UTP20: variants seen among roughly 807,000 people sequenced by gnomAD.
The protein encoded by UTP20 is UTP20 small subunit processome component, also known as small subunit processome component 20 homolog.
In UTP20, 164 loss-of-function variants were observed where a neutral mutation model predicts 329.5. That is an observed-to-expected ratio of 0.50 (90% CI 0.44 to 0.57). The LOEUF (loss-of-function observed/expected upper bound fraction) is 0.57, where lower values mean the gene tolerates loss of function less well. Ranked by LOEUF, UTP20 falls within the 20% of genes least tolerant of loss-of-function variation. UTP20 has a pLI of 0.00. For synonymous variants in UTP20, 1,151 were observed against 1,159.3 expected (o/e 0.99, Z 0.14); for missense variants, 3,055 against 3,284.2 (o/e 0.93, Z 1.71).
chr12:101,354,261 C>CA (rs71091489), intron 40 of UTP20, among the ~76,000 whole-genome samples: 1,332 of 79,512 alleles, frequency 0.017, 16 homozygotes, highest in Middle Eastern at 0.048. Flanking sequence ...GACTCTGTCT[C>CA]AAAAAAAAAA....
intron 36 of UTP20, among the ~76,000 whole-genome samples, chr12:101,345,006 C>T (rs577854976): frequency 1.6e-5 from 2 of 123,018 alleles, no homozygotes; most frequent in East Asian, 2.6e-4. Flanking sequence ...ACTACAGTGG[C>T]GTGATCTTGG....
At position 101,366,640 on chromosome 12, in the gene UTP20, C is replaced by A; in HGVS notation, c.6208C>A (p.Gln2070Lys). ...LLPPTPVRGG[Q>K]KAVVSRKTNM... ...TCCCCCAACTCCAGTTCGAGGTGGA[C>A]AGAAAGCTGTTGTGAGCAGGAAAAC... is the stretch of plus-strand genomic sequence containing the variant. Residue 2070 changes from glutamine (Q) to lysine (K), a missense_variant, in exon 47 of 62, where the codon CAG becomes AAG. Around this residue, in one of 3 missense-constraint regions of UTP20, gnomAD observed 2,445 missense variants for 2,575.5 expected, o/e 0.95. Transcript: ENST00000261637. 6.2e-7 allele frequency: 1 copy of A among 1,614,148 alleles called. No individual in the cohort carries two copies. Among genetic ancestry groups the A allele is most frequent in the Non-Finnish European group, 8.5e-7 (1 of 1,180,008 alleles).
rs1424941022 is a variant in UTP20 at position 101,373,482 on chromosome 12, C to A, written c.6948+12C>A. The A allele has an allele frequency of 1.9e-6, 3 of 1,613,996 alleles. No homozygotes were observed. The Admixed American group carries it at 5.0e-5, about 27-fold the overall frequency. The stretch of plus-strand genomic sequence containing the variant: ...ACACGTTCCCTCAGGTACTGTGACC[C>A]CAGAGATAAGCCCCGTGACTCCTGG... On this transcript the variant is annotated intron_variant, in intron 53 of 61. Transcript: ENST00000261637.
In UTP20 at chr12:101,285,869, A is replaced by G; in HGVS notation, c.314A>G (p.Gln105Arg). ...CAAGTTAAGAACAGTTTTGCCTATCAACCCCTTTTGGAGTAAGTAGCATCT... is the reference window on the plus strand; with the variant it reads ...CAAGTTAAGAACAGTTTTGCCTATCGACCCCTTTTGGAGTAAGTAGCATCT... Reference protein sequence around the residue: ...HLQVKNSFAYQPLLDLVVQLA... With the variant: ...HLQVKNSFAYRPLLDLVVQLA... Residue 105 changes from glutamine (Q) to arginine (R), a missense_variant, in exon 4 of 62, where the codon CAA becomes CGA. Gln to Arg is a conservative substitution (Grantham distance 43). Transcript: ENST00000261637. 1.2e-6 allele frequency: 2 copies of G among 1,613,730 alleles called. No homozygotes were observed. Among genetic ancestry groups the G allele is most frequent in the South Asian group, 2.2e-5 (2 of 91,036 alleles).
chr12:101,365,661 T>G, intron 46 of UTP20, 36 bp downstream of exon 46: 1 of 1,504,876 alleles, frequency 6.6e-7, no homozygotes, highest in Non-Finnish European at 8.9e-7. Flanking sequence ...CATTTAGGTC[T>G]CTGCGTCTGA....
chr12:101,365,065 T>C (rs1182204845), intron 45 of UTP20, among the ~76,000 whole-genome samples: 1 of 144,672 alleles, frequency 6.9e-6, no homozygotes, highest in African/African-American at 2.6e-5. Flanking sequence ...TGAATACATT[T>C]TGTTGATTGT....
intron 29 of UTP20, among the ~76,000 whole-genome samples, chr12:101,336,246 A>G (rs182725190): frequency 1.6e-3 from 247 of 152,354 alleles, no homozygotes; most frequent in African/African-American, 5.8e-3. Context: ...GTGTGGAAGA[A>G]CGAATGAATA....
intron 61 of UTP20, 106 bp from the exon 62 acceptor site, chr12:101,385,862 A>C (rs1258538519): frequency 6.9e-7 from 1 of 1,454,746 alleles, no homozygotes; most frequent in East Asian, 2.5e-5. Flanking sequence ...GGGACTTCAG[A>C]TTTTCTTTAA....
chr12:101,356,115 C>A (rs950736114), intron 41 of UTP20, among the ~76,000 whole-genome samples: 3 of 152,086 alleles, frequency 2.0e-5, no homozygotes, highest in Non-Finnish European at 4.4e-5. Context: ...ATAGAAAGAG[C>A]TGTTTTTCTT....
rs752569880 is a variant in UTP20, at chr12:101,317,651, G to C, written c.2726G>C (p.Arg909Thr). The C allele has an allele frequency of 2.2e-5, 36 of 1,609,768 alleles. No homozygotes were observed. Among genetic ancestry groups the C allele is most frequent in the Non-Finnish European group, 2.9e-5 (34 of 1,178,326 alleles). Residue 909 changes from arginine (R) to threonine (T), a missense_variant, in exon 22 of 62, where the codon AGA (arginine) becomes ACA (threonine). Coordinates refer to ENST00000261637, the MANE Select transcript of UTP20 (RefSeq NM_014503.3). ...DESSQKKKTR[R>T]AAAKQLIAHL... is the part of the protein sequence containing the mutation. ...TCCTCACAGAAGAAAAAGACGAGGAGAGCTGCAGCAAAGTAAGTTCACCAT... is the reference window on the plus strand; with the variant it reads ...TCCTCACAGAAGAAAAAGACGAGGACAGCTGCAGCAAAGTAAGTTCACCAT...
At chr12:101,380,865 A>T (rs1270418102) in intron 57 of UTP20, among the ~76,000 whole-genome samples, 3 of 82,104 alleles carry the variant, frequency 3.7e-5, no homozygotes, top group East Asian at 9.6e-4. Flanking sequence ...CTCTGTCTTA[A>T]AAAAAAAAAA....
In UTP20 at chr12:101,340,626, A is replaced by G; in HGVS notation, c.4101+16A>G. 6.4e-7 allele frequency: 1 copy of G among 1,556,002 alleles called. No individual in the cohort carries two copies. Among genetic ancestry groups the G allele is most frequent in the Non-Finnish European group, 8.8e-7 (1 of 1,131,822 alleles). Reference sequence around the variant, plus strand: ...TATTGCTGAGGTACAAACTCATAGGACACTTAACTTTGTCTCTAGAGTGGC... The same window carrying G: ...TATTGCTGAGGTACAAACTCATAGGGCACTTAACTTTGTCTCTAGAGTGGC... On this transcript the variant is annotated intron_variant, in intron 32 of 61. Coordinates refer to ENST00000261637, the MANE Select transcript of UTP20 (RefSeq NM_014503.3).
Position 101,366,628 on chromosome 12 carries a change from G to C in UTP20, c.6196G>C (p.Val2066Leu). 6.2e-7 allele frequency: 1 copy of C among 1,614,142 alleles called. No individual in the cohort carries two copies. Among genetic ancestry groups the C allele is most frequent in the Non-Finnish European group, 8.5e-7 (1 of 1,180,034 alleles). ...CTGCCTTCTGCTTCCCCCAACTCCA[G>C]TTCGAGGTGGACAGAAAGCTGTTGT... ...QSCLLLPPTPVRGGQKAVVSR... is the reference protein window; with the variant it reads ...QSCLLLPPTPLRGGQKAVVSR... The change falls in exon 47 of 62, where the codon GTT (valine) becomes CTT (leucine). Residue 2066 changes from valine (V) to leucine (L), a missense_variant. By Grantham distance (32) the Val-to-Leu change is conservative. Transcript: ENST00000261637.
At position 101,371,154 on chromosome 12, in the gene UTP20, G is replaced by A. The variant is rs772232264; in HGVS notation, c.6784G>A (p.Val2262Ile). 3 of 1,613,502 alleles carry A rather than the reference G, an allele frequency of 1.9e-6. No individual in the cohort carries two copies. The highest frequency in any genetic ancestry group is 2.5e-6 in the Non-Finnish European group (3 of 1,179,738). Residue 2262 changes from valine (V) to isoleucine (I), a missense_variant, in exon 51 of 62, where the codon GTC becomes ATC. This residue lies in a region of UTP20 where 273 missense variants were observed against 363.1 expected (regional missense o/e 0.75). Transcript: ENST00000261637. ...CTCTGCACAAAGCGAACCTGCCAGG[G>A]TCCAGTGTAGACAGGTTTGTAGAGA... ...AVSAQSEPAR[V>I]QCRQVFLKYI...
At chr12:101,374,664 C>T (rs1870413097) in intron 54 of UTP20, 144 bp from the exon 55 acceptor site, 2 of 575,918 alleles carry the variant, frequency 3.5e-6, no homozygotes, top group Admixed American at 2.7e-5. Flanking sequence ...ATCAAAGCTC[C>T]ATAATTTACT....
In UTP20 at chr12:101,313,042, C is replaced by A. The variant is rs554131772; in HGVS notation, c.2552+766C>A. On this transcript the variant is annotated intron_variant, in intron 21 of 61. Transcript: ENST00000261637. ...GACCCAACAGCAACACTGCTTGGGG[C>A]CTCTTGATGTTTCTGCCTATGATGC... 3.9e-5 allele frequency among the ~76,000 whole-genome samples: 6 copies of A among 152,176 alleles called. No homozygotes were observed. The East Asian group carries it at 1.2e-3, about 29-fold the overall frequency.
intron 32 of UTP20, among the ~76,000 whole-genome samples, chr12:101,341,190 C>T (rs1407629810): frequency 6.6e-6 from 1 of 152,004 alleles, no homozygotes; most frequent in East Asian, 1.9e-4. Flanking sequence ...GTTGGCCAGG[C>T]TGGCCTGGAA....
At chr12:101,376,810 A>G (rs1368989193) in intron 56 of UTP20, among the ~76,000 whole-genome samples, 1 of 151,360 alleles carries the variant, frequency 6.6e-6, no homozygotes, top group African/African-American at 2.4e-5. Flanking sequence ...CTACCACACC[A>G]GCTAATTTTT....
intron 12 of UTP20, 70 bp from the exon 13 acceptor site, chr12:101,299,612 T>C: frequency 7.1e-7 from 1 of 1,413,824 alleles, no homozygotes; most frequent in South Asian, 1.6e-5. Context: ...AATCCAATTT[T>C]ATTTCAGACT....
Sources: gnomAD v4.1 joint callset for allele counts (sites outside exome capture counted in the v4.1 genomes callset) on GRCh38, gnomAD v4.1.1 for gene constraint, gnomAD v4.1.1 regional missense constraint, MANE v1.5 for transcripts, NCBI Gene and HGNC (gene_info 2026-07-23, HGNC 2026-07-21) for gene names.